PYCR3: variants seen among roughly 807,000 people sequenced by gnomAD.
PYCR3 encodes the protein pyrroline-5-carboxylate reductase 3.
In PYCR3, 26 loss-of-function variants were observed where a neutral mutation model predicts 23.4. The ratio of observed to expected loss-of-function variants is 1.11; its 90% confidence interval spans 0.81 to 1.54. The LOEUF is 1.54. Ranked by LOEUF, PYCR3 falls within the 40% of genes most tolerant of loss-of-function variation. The pLI is 0.00. For missense variants in PYCR3, 360 were observed against 376.3 expected, an observed-to-expected ratio of 0.96 and a Z score of 0.36; for synonymous variants, 194 against 162.6, an observed-to-expected ratio of 1.19 and a Z score of -1.47.
chr8:143,608,406 C>T, intron 1 of PYCR3: 1 of 480,856 alleles, frequency 2.1e-6, no homozygotes, highest in Non-Finnish European at 3.7e-6. Context: ...GCCTCTGCCT[C>T]CAGGGAAGGG....
In PYCR3 at chr8:143,608,003, A is replaced by G. The variant is rs538547618; in HGVS notation, c.156+59T>C. ...GCTCTGATAAGTGTCTTAGTGGGAC[A>G]GGAGCCAAGAGCTATCCTGGGCTCC... On this transcript the variant is annotated intron_variant, in intron 2 of 5. Transcript: ENST00000495276. 1.6e-4 allele frequency: 207 copies of G among 1,303,468 alleles called. 1 individual carries two copies. In the South Asian group the frequency reaches 1.6e-3, roughly 10 times the overall value. 80.7% of individuals were successfully genotyped at this position (1,303,468 alleles called of 1,614,324 possible). A position where few individuals can be genotyped will look rare whatever the true frequency, so the allele number is the denominator to read the frequency against.
chr8:143,608,782 C>A (rs1829467754), intron 1 of PYCR3: 2 of 456,204 alleles, frequency 4.4e-6, no homozygotes, highest in Non-Finnish European at 8.8e-6. Flanking sequence ...CTCTGGGAGG[C>A]ATGCGGTACT....
intron 2 of PYCR3, among the ~76,000 whole-genome samples, chr8:143,607,543 CTCA>C (rs1244239263): frequency 6.6e-6 from 1 of 152,192 alleles, no homozygotes; most frequent in African/African-American, 2.4e-5. Context: ...CGAGCATGCA[CTCA>C]TGTGTACACG....
At position 143,605,361 on chromosome 8, in the gene PYCR3, T is replaced by C. The variant is rs559818784; in HGVS notation, c.*339A>G. The stretch of plus-strand genomic sequence containing the variant: ...TGCCTGTTACCGTAAGTTCTGTTCA[T>C]GGCCTCAACCAACTGCCCAACCATG... On this transcript the variant is annotated 3_prime_UTR_variant, in exon 6 of 6. Coordinates refer to ENST00000495276, the MANE Select transcript of PYCR3 (RefSeq NM_023078.6). 6 of 391,992 alleles carry C rather than the reference T, an allele frequency of 1.5e-5. No homozygotes were observed. The highest frequency in any genetic ancestry group is 2.3e-5 in the Non-Finnish European group (5 of 212,900). The allele number at this position is 391,992 out of a possible 1,614,324, so 24.3% of individuals were successfully genotyped here.
intron 2 of PYCR3, among the ~76,000 whole-genome samples, chr8:143,607,726 C>T (rs1829442464): frequency 6.6e-6 from 1 of 152,046 alleles, no homozygotes; most frequent in South Asian, 2.1e-4. Context: ...CACACGTGCA[C>T]ACGCACACAC....
chr8:143,604,628 G>A lies in PYCR3; in HGVS notation c.*1072C>T, dbSNP rs1421158065. The A allele has an allele frequency of 1.6e-5, 5 of 313,820 alleles. No individual in the cohort carries two copies. The highest frequency in any genetic ancestry group is 3.1e-5 in the Non-Finnish European group (5 of 162,442). 19.4% of individuals were successfully genotyped at this position (313,820 alleles called of 1,614,324 possible). A position where few individuals can be genotyped will look rare whatever the true frequency, so the allele number is the denominator to read the frequency against. ...AGCTGCAGCAGTTGGGGCCAGCGTG[G>A]GACTGGAGGCCCAGGTGAATCTTGT... On this transcript the variant is annotated 3_prime_UTR_variant, in exon 6 of 6. Transcript: ENST00000495276.
rs1201341587 is a variant in PYCR3, at chr8:143,604,302, G to A, written c.*1398C>T. The A allele has an allele frequency of 2.0e-5, 3 of 153,692 alleles. No homozygotes were observed. The highest frequency in any genetic ancestry group is 7.2e-5 in the African/African-American group (3 of 41,420). 9.5% of individuals were successfully genotyped at this position (153,692 alleles called of 1,614,324 possible). On this transcript the variant is annotated 3_prime_UTR_variant, in exon 6 of 6. Transcript: ENST00000495276. Reference sequence around the variant, plus strand: ...CCTGACAAGTGCCAGGGCCAGGCTTGGACCAAGCAGTCAACTGAGTCAGCC... The same window carrying A: ...CCTGACAAGTGCCAGGGCCAGGCTTAGACCAAGCAGTCAACTGAGTCAGCC...
In PYCR3 at chr8:143,605,276, C is replaced by A; in HGVS notation, c.*424G>T. The stretch of plus-strand genomic sequence containing the variant: ...GGCAGCCGGCCTGGCTGTAGCTGCA[C>A]GGAGCCACCTGGAAAGCCAAAGGCA... On this transcript the variant is annotated 3_prime_UTR_variant, in exon 6 of 6. Coordinates refer to ENST00000495276, the MANE Select transcript of PYCR3 (RefSeq NM_023078.6). 1 of 284,670 alleles carries A rather than the reference C, an allele frequency of 3.5e-6. No individual in the cohort carries two copies. Among genetic ancestry groups the A allele is most frequent in the Non-Finnish European group, 6.8e-6 (1 of 146,062 alleles). The allele number at this position is 284,670 out of a possible 1,614,324, so 17.6% of individuals were successfully genotyped here.
In PYCR3 at chr8:143,605,745, GGC is replaced by G. The variant is rs1563678022; in HGVS notation, c.778_779del (p.Ala260ArgfsTer46). 6.2e-7 allele frequency: 1 copy of G among 1,608,718 alleles called. No individual in the cohort carries two copies. Among genetic ancestry groups the G allele is most frequent in the Non-Finnish European group, 8.5e-7 (1 of 1,177,150 alleles). ...TGGCCCGGCAGGTGGCAGCCTCCACGGCGCTCATGGTGGCTGCTCGCAGCCCG... is the reference window on the plus strand; with the variant it reads ...TGGCCCGGCAGGTGGCAGCCTCCACGGCTCATGGTGGCTGCTCGCAGCCCG... ...QGGLRAATMS[A>X]VEAATCRAKE... On this transcript the variant is annotated frameshift_variant, in exon 6 of 6. Coordinates refer to ENST00000495276, the MANE Select transcript of PYCR3 (RefSeq NM_023078.6). LOFTEE classifies it high-confidence loss of function.
In PYCR3 at chr8:143,604,906, G is replaced by C. The variant is rs1367181012; in HGVS notation, c.*794C>G. 2 of 509,636 alleles carry C rather than the reference G, an allele frequency of 3.9e-6. No homozygotes were observed. Among genetic ancestry groups the C allele is most frequent in the South Asian group, 2.9e-5 (2 of 69,572 alleles). 31.6% of individuals were successfully genotyped at this position (509,636 alleles called of 1,614,324 possible). ...AGGGCCCAGAGCCACCTGGCCACTTGTCAGGAGCTTAGGATTGGGAGGAAA... is the reference window on the plus strand; with the variant it reads ...AGGGCCCAGAGCCACCTGGCCACTTCTCAGGAGCTTAGGATTGGGAGGAAA... On this transcript the variant is annotated 3_prime_UTR_variant, in exon 6 of 6. Coordinates refer to ENST00000495276, the MANE Select transcript of PYCR3 (RefSeq NM_023078.6).
In PYCR3 at chr8:143,605,657, G is replaced by C. The variant is rs1185187082; in HGVS notation, c.*43C>G. 6.5e-7 allele frequency: 1 copy of C among 1,546,762 alleles called. No individual in the cohort carries two copies. The highest frequency in any genetic ancestry group is 8.8e-7 in the Non-Finnish European group (1 of 1,136,290). ...GTCCTCAGGGGAAGGGACACAGGGA[G>C]AGGCAGGGGCACAGAGGCAGGAAAG... On this transcript the variant is annotated 3_prime_UTR_variant, in exon 6 of 6. Transcript: ENST00000495276.
chr8:143,605,963 A>G (rs901817388), intron 5 of PYCR3, 81 bp from the exon 6 acceptor site: 6 of 1,563,274 alleles, frequency 3.8e-6, no homozygotes, highest in Admixed American at 1.7e-5. Context: ...GCATCCCCCA[A>G]CCTTGGCCCC....
At position 143,606,575 on chromosome 8, in the gene PYCR3, G is replaced by A. The variant is rs781323357; in HGVS notation, c.441C>T (p.Ser147=). The change falls in exon 4 of 6, where the codon AGC becomes AGT. Residue 147 remains serine (S), a synonymous_variant. Coordinates refer to ENST00000495276, the MANE Select transcript of PYCR3 (RefSeq NM_023078.6). ...GCAGATGCTGCAGGAGCTTGGTCTCGCTGCTCCCCACGTGGCGGCCCCGCG... is the reference window on the plus strand; with the variant it reads ...GCAGATGCTGCAGGAGCTTGGTCTCACTGCTCCCCACGTGGCGGCCCCGCG... ...VMARGRHVGS[S]ETKLLQHLLE... 35 of 1,612,610 alleles carry A rather than the reference G, an allele frequency of 2.2e-5. No homozygotes were observed. Among genetic ancestry groups the A allele is most frequent in the East Asian group, 6.7e-5 (3 of 44,884 alleles).
At chr8:143,608,374 G>A (rs1587291020) in intron 1 of PYCR3, 2 of 540,290 alleles carry the variant, frequency 3.7e-6, no homozygotes, top group East Asian at 6.4e-5. Context: ...TTACCTCATT[G>A]GTGAGGACAC....
intron 1 of PYCR3, 25 bp from the exon 2 acceptor site, chr8:143,608,151 G>T (rs771546867): frequency 6.2e-7 from 1 of 1,602,702 alleles, no homozygotes. Flanking sequence ...AAAGGAAGAG[G>T]GGTTGGTGAA....
chr8:143,608,867 T>C (rs537070198), intron 1 of PYCR3: 23 of 456,702 alleles, frequency 5.0e-5, no homozygotes, highest in Non-Finnish European at 7.9e-5. Context: ...TTCTGGACCC[T>C]GAAGTATGGC....
At chr8:143,607,429 C>T (rs551446421) in intron 2 of PYCR3, among the ~76,000 whole-genome samples, 1 of 152,332 alleles carries the variant, frequency 6.6e-6, no homozygotes, top group South Asian at 2.1e-4. Context: ...CACTCACGAG[C>T]ATGCATTCAT....
At position 143,606,466 on chromosome 8, in the gene PYCR3, C is replaced by T. The variant is rs755506455; in HGVS notation, c.549+1G>A. The T allele has an allele frequency of 3.1e-6, 5 of 1,612,344 alleles. No homozygotes were observed. Among genetic ancestry groups the T allele is most frequent in the Non-Finnish European group, 3.4e-6 (4 of 1,179,930 alleles). On this transcript the variant is annotated splice_donor_variant, in intron 4 of 5. Transcript: ENST00000495276. LOFTEE classifies it high-confidence loss of function. The stretch of plus-strand genomic sequence containing the variant: ...CCGGGGATGGACGAGGCAATACTCA[C>T]GAAGGCCACGCCACTGCCACTGAGG...
chr8:143,604,181 T>C lies in PYCR3; in HGVS notation c.*1519A>G, dbSNP rs1322192490. The C allele has an allele frequency of 6.6e-6, 1 of 152,240 alleles. No homozygotes were observed. Among genetic ancestry groups the C allele is most frequent in the East Asian group, 1.9e-4 (1 of 5,184 alleles). 9.4% of individuals were successfully genotyped at this position (152,240 alleles called of 1,614,324 possible). On this transcript the variant is annotated 3_prime_UTR_variant, in exon 6 of 6. Transcript: ENST00000495276. ...TGCTGGAATTACAGATGTGAGCCACTGGGCCCAGCCCAGAACTTGGTTTTA... is the reference window on the plus strand; with the variant it reads ...TGCTGGAATTACAGATGTGAGCCACCGGGCCCAGCCCAGAACTTGGTTTTA...
Sources: gnomAD v4.1 joint callset for allele counts (sites outside exome capture counted in the v4.1 genomes callset) on GRCh38, gnomAD v4.1.1 for gene constraint, MANE v1.5 for transcripts, NCBI Gene and HGNC (gene_info 2026-07-23, HGNC 2026-07-21) for gene names.